The following ACIN1 variants were observed in gnomAD, a reference collection of about 807,000 sequenced individuals.
ACIN1 encodes the protein apoptotic chromatin condensation inducer 1.
Under a neutral mutation model 146.6 loss-of-function variants are expected in ACIN1, and 16 were observed. The ratio of observed to expected loss-of-function variants is 0.11; its 90% CI spans 0.07 to 0.17. The LOEUF (loss-of-function observed/expected upper bound fraction) is 0.17, where lower values mean the gene tolerates loss of function less well. Ranked by LOEUF, ACIN1 falls within the 10% of genes least tolerant of loss-of-function variation. ACIN1 has a pLI of 1.00. For synonymous variants in ACIN1, 569 were observed against 582.7 expected (o/e 0.98, Z 0.34); for missense variants, 1,357 against 1,609.3 (o/e 0.84, Z 2.68).
Position 23,059,017 on chromosome 14 carries a change from TG to T in ACIN1, c.*130del. On this transcript the variant is annotated 3_prime_UTR_variant, in exon 19 of 19. Coordinates refer to ENST00000605057, the MANE Select transcript of ACIN1 (RefSeq NM_001386863.1). ...GGAAAAGGATGGCCACTTTTCCATT[TG>T]GTATGTATGTAGGGATAGGTGATGT... 2.4e-6 allele frequency: 2 copies of T among 825,592 alleles called. No individual in the cohort carries two copies. Among genetic ancestry groups the T allele is most frequent in the South Asian group, 3.4e-5 (2 of 59,340 alleles). The allele number at this position is 825,592 out of a possible 1,614,324, so 51.1% of individuals were successfully genotyped here.
rs1436824181 is a variant in ACIN1, at chr14:23,061,533, G to A, written c.3189C>T (p.Pro1063=). Reference sequence around the variant, plus strand: ...GCTGTGGTGGCTGGACCGGGGGTGGGGGTGGGGGGTGCAGGGGCCGTGGTA... The same window carrying A: ...GCTGTGGTGGCTGGACCGGGGGTGGAGGTGGGGGGTGCAGGGGCCGTGGTA... The part of the protein sequence containing the change: ...QGIPRPLHPP[P]PPPVQPPQHP... The change falls in exon 17 of 19, where the codon CCC becomes CCT. Residue 1063 remains proline, a synonymous_variant. Coordinates refer to ENST00000605057, the MANE Select transcript of ACIN1 (RefSeq NM_001386863.1). 1 of 1,602,758 alleles carries A rather than the reference G, an allele frequency of 6.2e-7. No homozygotes were observed. Among genetic ancestry groups the A allele is most frequent in the Non-Finnish European group, 8.5e-7 (1 of 1,175,502 alleles).
rs757802289 is a variant in ACIN1, at chr14:23,080,326, C to G, written c.1009G>C (p.Asp337His). 17 of 1,614,062 alleles carry G rather than the reference C, an allele frequency of 1.1e-5. No individual in the cohort carries two copies. Among genetic ancestry groups the G allele is most frequent in the Non-Finnish European group, 1.4e-5 (16 of 1,180,038 alleles). The change falls in exon 6 of 19, where the codon GAT becomes CAT. Residue 337 changes from aspartate (D) to histidine (H), a missense_variant. Physicochemically the swap from Asp to His is moderately conservative, Grantham distance 81. Around this residue, in one of 4 missense-constraint regions of ACIN1, gnomAD observed 771 missense variants for 746.6 expected, o/e 1.03. Coordinates refer to ENST00000605057, the MANE Select transcript of ACIN1 (RefSeq NM_001386863.1). ...GCTACAAGTGAGGCCTTCTTTCGAT[C>G]TTCAGTCAGTCGAGGAGGGGAAGGA... Reference protein sequence around the residue: ...KSPSPPRLTEDRKKASLVALP... With the variant: ...KSPSPPRLTEHRKKASLVALP...
intron 8 of ACIN1, among the ~76,000 whole-genome samples, 161 bp from the exon 9 acceptor site, chr14:23,069,778 A>G (rs963353003): frequency 6.6e-6 from 1 of 152,194 alleles, no homozygotes. Flanking sequence ...CCTTGTCCCA[A>G]TGGGAAAAGT....
At position 23,063,489 on chromosome 14, in the gene ACIN1, T is replaced by C. The variant is rs1199265862; in HGVS notation, c.2684A>G (p.Gln895Arg). 2 of 1,614,188 alleles carry C rather than the reference T, an allele frequency of 1.2e-6. No homozygotes were observed. The highest frequency in any genetic ancestry group is 1.1e-5 in the South Asian group (1 of 91,076). The change falls in exon 13 of 19, where the codon CAG becomes CGG. Residue 895 changes from glutamine (Q) to arginine (R), a missense_variant. Around this residue, in one of 4 missense-constraint regions of ACIN1, gnomAD observed 509 missense variants for 719.6 expected, o/e 0.71. Coordinates refer to ENST00000605057, the MANE Select transcript of ACIN1 (RefSeq NM_001386863.1). The stretch of plus-strand genomic sequence containing the variant: ...GGGCAAGGCCACCTCTACTGACACC[T>C]GGGGAGGTACAGGAGGTTCTGCTTC... ...EPEAEPPVPP[Q>R]VSVEVALPPP...
rs186415340 is a variant in ACIN1, at chr14:23,071,443, G to A, written c.2124-1826C>T. 356 of 1,551,690 alleles carry A rather than the reference G, an allele frequency of 2.3e-4. 1 individual carries two copies. The African/African-American group carries it at 2.4e-3, about 11-fold the overall frequency. ...AGTCCTCACGGCAAACCCCGAGTTC[G>A]GCTGGATTGGTCTCTCTGGAGAAGG... On this transcript the variant is annotated intron_variant, in intron 8 of 18. Coordinates refer to ENST00000605057, the MANE Select transcript of ACIN1 (RefSeq NM_001386863.1).
At chr14:23,071,338 CA>C in intron 8 of ACIN1, 1 of 1,514,370 alleles carries the variant, frequency 6.6e-7, no homozygotes. Context: ...ACCGGGGATC[CA>C]AAAAATGGTA....
chr14:23,068,448 G>C lies in ACIN1; in HGVS notation c.2265+1028C>G. On this transcript the variant is annotated intron_variant, in intron 9 of 18. Transcript: ENST00000605057. This position sits in a 1 kb window ranked among gnomAD's most constrained non-coding sequence, Gnocchi z 4.3. Reference sequence around the variant, plus strand: ...GCTCAATACAAGTCTCTCCAGAACAGTGTTCTTCTTGGCCCCCTGATGTAA... The same window carrying C: ...GCTCAATACAAGTCTCTCCAGAACACTGTTCTTCTTGGCCCCCTGATGTAA... 1 of 985,924 alleles carries C rather than the reference G, an allele frequency of 1.0e-6. No individual in the cohort carries two copies. Among genetic ancestry groups the C allele is most frequent in the Non-Finnish European group, 1.2e-6 (1 of 829,962 alleles). The allele number at this position is 985,924 out of a possible 1,614,324, so 61.1% of individuals were successfully genotyped here. A position where few individuals can be genotyped will look rare whatever the true frequency, so the allele number is the denominator to read the frequency against.
At chr14:23,088,233 G>A (rs2048137015) in intron 4 of ACIN1, among the ~76,000 whole-genome samples, 1 of 152,122 alleles carries the variant, frequency 6.6e-6, no homozygotes. Context: ...TTAAAATCAA[G>A]GGGGAAAGGG....
intron 8 of ACIN1, chr14:23,071,329 C>G (rs2047642601): frequency 2.6e-6 from 4 of 1,512,588 alleles, no homozygotes; most frequent in Non-Finnish European, 3.5e-6. Flanking sequence ...GATGTAGCAA[C>G]CGGGGATCCA....
chr14:23,069,505 C>G lies in ACIN1; in HGVS notation c.2236G>C (p.Gly746Arg). 6.2e-7 allele frequency: 1 copy of G among 1,614,084 alleles called. No individual in the cohort carries two copies. The highest frequency in any genetic ancestry group is 8.5e-7 in the Non-Finnish European group (1 of 1,179,972). ...DQVSNDDRPE[G>R]SVEDEEKKES... ...TTCTTCTCCTCATCTTCAACACTGCCCTCCGGGCGGTCATCATTGCTGACT... is the reference window on the plus strand; with the variant it reads ...TTCTTCTCCTCATCTTCAACACTGCGCTCCGGGCGGTCATCATTGCTGACT... The change falls in exon 9 of 19, where the codon GGC becomes CGC. Residue 746 changes from glycine (G) to arginine (R), a missense_variant. This residue lies in a region of ACIN1 where 771 missense variants were observed against 746.6 expected (regional missense o/e 1.03). Coordinates refer to ENST00000605057, the MANE Select transcript of ACIN1 (RefSeq NM_001386863.1).
At chr14:23,086,899 A>C (rs1159826167) in intron 4 of ACIN1, among the ~76,000 whole-genome samples, 1 of 152,250 alleles carries the variant, frequency 6.6e-6, no homozygotes, top group Non-Finnish European at 1.5e-5. Flanking sequence ...TTAGTCATTC[A>C]TAAAATGAAT....
intron 18 of ACIN1, among the ~76,000 whole-genome samples, chr14:23,060,620 C>A (rs1198728276): frequency 2.0e-5 from 3 of 151,896 alleles, no homozygotes; most frequent in Admixed American, 6.5e-5. Context: ...TCAAGCAATT[C>A]TCCTCCTCAG....
chr14:23,085,171 A>G (rs2048056577), intron 4 of ACIN1, among the ~76,000 whole-genome samples: 1 of 152,070 alleles, frequency 6.6e-6, no homozygotes, highest in South Asian at 2.1e-4. Flanking sequence ...TCTACTAAAA[A>G]TACAAAAAAA....
At chr14:23,095,596 G>A (rs542621475), upstream of ACIN1, 199 of 371,676 alleles carry the variant, frequency 5.4e-4, 2 homozygotes, top group African/African-American at 3.8e-3. Flanking sequence ...CAATCTTCGG[G>A]TGCCCTTCGA....
chr14:23,093,795 C>A (rs907501665), intron 1 of ACIN1, among the ~76,000 whole-genome samples: 1 of 152,190 alleles, frequency 6.6e-6, no homozygotes, highest in Non-Finnish European at 1.5e-5. Context: ...AATCAGTGAC[C>A]TGGCTATGTC....
rs1395224143 is a variant in ACIN1, at chr14:23,067,207, AAAT to A, written c.2266-1202_2266-1200del. 4.2e-5 allele frequency: 31 copies of A among 735,712 alleles called. No homozygotes were observed. In the Middle Eastern group the frequency reaches 3.5e-3, roughly 83 times the overall value. 45.6% of individuals were successfully genotyped at this position (735,712 alleles called of 1,614,324 possible). On this transcript the variant is annotated intron_variant, in intron 9 of 18. Transcript: ENST00000605057. The surrounding 1 kb of genome is among the most constrained non-coding windows in gnomAD (Gnocchi z 4.6). ...ATAAATAAATAAAAGAAATCAGAAA[AAAT>A]AAAGATATAGAAAAAAATAAAATAA...
rs747410843 is a variant in ACIN1, at chr14:23,062,216, G to C, written c.3051C>G (p.Pro1017=). The C allele has an allele frequency of 6.1e-5, 99 of 1,613,908 alleles. No individual in the cohort carries two copies. Among genetic ancestry groups the C allele is most frequent in the Non-Finnish European group, 8.1e-5 (95 of 1,180,016 alleles). ...TRTALHGVKW[P]QSNPKFLCAD... The stretch of plus-strand genomic sequence containing the variant: ...CACAAAGGAATTTGGGATTGGACTG[G>C]GGCCATTTGACCCCGTGCAGAGCTG... The change falls in exon 16 of 19, where the codon CCC becomes CCG. Residue 1017 remains proline, a synonymous_variant. Coordinates refer to ENST00000605057, the MANE Select transcript of ACIN1 (RefSeq NM_001386863.1).
chr14:23,072,629 T>C (rs992039963), intron 8 of ACIN1, among the ~76,000 whole-genome samples: 3 of 152,246 alleles, frequency 2.0e-5, no homozygotes, highest in Non-Finnish European at 4.4e-5. Context: ...CTAGTGGCAG[T>C]AGAAGTTTAC....
At chr14:23,080,970 C>T (rs2047929345) in intron 5 of ACIN1, among the ~76,000 whole-genome samples, 161 bp from the exon 6 acceptor site, 1 of 152,052 alleles carries the variant, frequency 6.6e-6, no homozygotes, top group African/African-American at 2.4e-5. Flanking sequence ...CTAACGTAGC[C>T]CTTAGGGGAA....
Sources: allele counts gnomAD v4.1 joint callset (sites outside exome capture counted in the v4.1 genomes callset), GRCh38; gene constraint gnomAD v4.1.1; regional missense constraint gnomAD v4.1.1; non-coding constraint Gnocchi (gnomAD v3.1); transcripts MANE v1.5; gene names NCBI Gene and HGNC (gene_info 2026-07-23, HGNC 2026-07-21).